Variants in TBC1D15 observed in about 807,000 individuals in gnomAD.
The protein encoded by TBC1D15 is TBC1 domain family member 15.
Under a neutral mutation model 95.4 loss-of-function variants are expected in TBC1D15, and 39 were observed. That is an observed-to-expected ratio of 0.41 (90% confidence interval 0.32 to 0.53). The LOEUF (loss-of-function observed/expected upper bound fraction) is 0.53, where lower values mean the gene tolerates loss of function less well. Among genes scored for constraint, TBC1D15 ranks in the 20% least tolerant of loss-of-function variants. TBC1D15 has a pLI of 0.29. For synonymous variants in TBC1D15, 258 were observed against 261.3 expected, an observed-to-expected ratio of 0.99 and a Z score of 0.12; for missense variants, 733 against 794.3, an observed-to-expected ratio of 0.92 and a Z score of 0.93.
chr12:71,917,585 C>A, intron 12 of TBC1D15, 113 bp from the exon 13 acceptor site: 1 of 576,218 alleles, frequency 1.7e-6, no homozygotes, highest in Non-Finnish European at 2.8e-6. Context: ...TTAAGATTAC[C>A]AGTGTGGTAT....
At chr12:71,850,396 CCTT>C in intron 1 of TBC1D15, 1 of 275,186 alleles carries the variant, frequency 3.6e-6, no homozygotes, top group Non-Finnish European at 7.0e-6. Flanking sequence ...CCACCCAGCT[CCTT>C]CTGAGCAGGT....
intron 1 of TBC1D15, among the ~76,000 whole-genome samples, chr12:71,864,475 C>G (rs769202613): frequency 1.1e-4 from 16 of 151,314 alleles, no homozygotes; most frequent in Non-Finnish European, 2.1e-4. Context: ...TGACTTTCAC[C>G]TGCAGTTGAG....
intron 4 of TBC1D15, among the ~76,000 whole-genome samples, chr12:71,884,041 T>TTAGTTAG (rs1378659192): frequency 6.6e-6 from 1 of 152,162 alleles, no homozygotes; most frequent in Non-Finnish European, 1.5e-5. Flanking sequence ...AGGTCTTAAT[T>TTAGTTAG]TAGTAGACAG....
chr12:71,879,163 G>A (rs200234024), intron 3 of TBC1D15, among the ~76,000 whole-genome samples: 10 of 145,098 alleles, frequency 6.9e-5, no homozygotes, highest in East Asian at 2.0e-4. Flanking sequence ...ACGCAGTTTC[G>A]CTCTTGTCAC....
In TBC1D15 at chr12:71,923,099, A is replaced by G. The variant is rs1314125245; in HGVS notation, c.1920A>G (p.Ala640=). The change falls in exon 17 of 17, where the codon GCA becomes GCG. Residue 640 remains alanine, a synonymous_variant. Coordinates refer to ENST00000485960, the MANE Select transcript of TBC1D15 (RefSeq NM_001146213.3). The part of the protein sequence containing the change: ...NVVMTPCPTS[A]FQSNALPTLS... The stretch of plus-strand genomic sequence containing the variant: ...TCATGACTCCTTGTCCTACATCTGC[A>G]TTTCAAAGTAATGCCTTGCCTACAC... 15 of 1,614,062 alleles carry G rather than the reference A, an allele frequency of 9.3e-6. No individual in the cohort carries two copies. The highest frequency in any genetic ancestry group is 1.3e-5 in the Non-Finnish European group (15 of 1,180,042).
intron 12 of TBC1D15, among the ~76,000 whole-genome samples, chr12:71,915,071 G>T (rs1359229291): frequency 2.0e-5 from 3 of 151,442 alleles, no homozygotes; most frequent in Admixed American, 6.6e-5. Context: ...AATTTTTTTT[G>T]ACTATTTGGA....
chr12:71,921,320 A>G lies in TBC1D15; in HGVS notation c.1717-48A>G, dbSNP rs775332551. The stretch of plus-strand genomic sequence containing the variant: ...TAAATTGTTTATATAATAGAATATA[A>G]TAGTGTATTCAGTTTCGATATCATT... On this transcript the variant is annotated intron_variant, in intron 15 of 16. Coordinates refer to ENST00000485960, the MANE Select transcript of TBC1D15 (RefSeq NM_001146213.3). 13 of 1,056,056 alleles carry G rather than the reference A, an allele frequency of 1.2e-5. 1 individual carries two copies. Among genetic ancestry groups the G allele is most frequent in the South Asian group, 1.1e-4 (6 of 56,236 alleles). 65.4% of individuals were successfully genotyped at this position (1,056,056 alleles called of 1,614,324 possible).
chr12:71,896,118 G>A, intron 8 of TBC1D15, 43 bp downstream of exon 8: 1 of 1,446,776 alleles, frequency 6.9e-7, no homozygotes, highest in Non-Finnish European at 9.3e-7. Context: ...TAAACTCCTA[G>A]TATTTAGGGG....
At chr12:71,878,671 A>G (rs1328005526) in intron 3 of TBC1D15, among the ~76,000 whole-genome samples, 1 of 150,004 alleles carries the variant, frequency 6.7e-6, no homozygotes, top group Non-Finnish European at 1.5e-5. Flanking sequence ...ACCCCCCACC[A>G]CTCCCGGCTA....
intron 16 of TBC1D15, among the ~76,000 whole-genome samples, chr12:71,922,296 G>C (rs78675462): frequency 0.087 from 13,170 of 152,168 alleles, 647 homozygotes; most frequent in South Asian, 0.15. Flanking sequence ...TGTTGGCCAG[G>C]TTGGTCTAGA....
Position 71,896,677 on chromosome 12 carries a change from G to A in TBC1D15, c.985G>A (p.Gly329Arg), listed in dbSNP as rs1898254601. The A allele has an allele frequency of 1.2e-6, 2 of 1,608,766 alleles. No homozygotes were observed. The highest frequency in any genetic ancestry group is 8.5e-7 in the Non-Finnish European group (1 of 1,177,054). ...TATTTAATATGTATGCTTTCTTCAG[G>A]GACTTAGTCATGCATTGAGAAAGCA... ...DNMKQMIFRGGLSHALRKQAW... is the reference protein window; with the variant it reads ...DNMKQMIFRGRLSHALRKQAW... Residue 329 changes from glycine (G) to arginine (R), a missense_variant and splice_region_variant, in exon 9 of 17, where the codon GGA (glycine) becomes AGA (arginine). By Grantham distance (125) the Gly-to-Arg change is moderately radical (BLOSUM62 -2). Transcript: ENST00000485960.
intron 1 of TBC1D15, among the ~76,000 whole-genome samples, chr12:71,865,361 GGGTACTTTGAA>G (rs1891266763): frequency 6.6e-6 from 1 of 152,090 alleles, no homozygotes; most frequent in African/African-American, 2.4e-5. Context: ...TGGGAAGAAG[GGGTACTTTGAA>G]GGTTTGGGCC....
At chr12:71,907,387 A>T (rs1900988751) in intron 11 of TBC1D15, 1 of 257,866 alleles carries the variant, frequency 3.9e-6, no homozygotes, top group Admixed American at 4.9e-5. Flanking sequence ...TCTATAGGAC[A>T]CCACTCTAAC....
chr12:71,894,781 A>G lies in TBC1D15; in HGVS notation c.753A>G (p.Thr251=), dbSNP rs759541998. The G allele has an allele frequency of 6.2e-7, 1 of 1,613,406 alleles. No individual in the cohort carries two copies. Among genetic ancestry groups the G allele is most frequent in the Non-Finnish European group, 8.5e-7 (1 of 1,179,458 alleles). ...FDSLRGSDPS[T]HQRPPSEMAD... ...GTTTGAGAGGCAGCGATCCCTCTAC[A>G]CATCAACGACCACCTTCAGAAATGG... Residue 251 remains threonine, a synonymous_variant, in exon 7 of 17, where the codon ACA becomes ACG. Coordinates refer to ENST00000485960, the MANE Select transcript of TBC1D15 (RefSeq NM_001146213.3).
intron 6 of TBC1D15, 116 bp downstream of exon 6, chr12:71,893,440 A>G (rs1360609943): frequency 5.1e-5 from 24 of 470,052 alleles, no homozygotes; most frequent in African/African-American, 1.0e-4. Context: ...ATACATAGAT[A>G]TGTGTGTGTG....
At chr12:71,861,663 A>C (rs1381404847) in intron 1 of TBC1D15, among the ~76,000 whole-genome samples, 1 of 150,922 alleles carries the variant, frequency 6.6e-6, no homozygotes, top group Non-Finnish European at 1.5e-5. Flanking sequence ...TTGTTCTGTA[A>C]ATTTTTTTTT....
At position 71,922,985 on chromosome 12, in the gene TBC1D15, A is replaced by G. The variant is rs1592845406; in HGVS notation, c.1806A>G (p.Glu602=). ...TGAGTTTGATTTTTCATATCCAGGA[A>G]TTGCCACAAGCAGTCTGTGAGATCC... ...AISLQMVKCK[E]LPQAVCEILG... is the part of the protein sequence containing the mutation. Residue 602 remains glutamate (E), a splice_region_variant and synonymous_variant, in exon 17 of 17, where the codon GAA becomes GAG. Coordinates refer to ENST00000485960, the MANE Select transcript of TBC1D15 (RefSeq NM_001146213.3). 6.2e-7 allele frequency: 1 copy of G among 1,613,884 alleles called. No individual in the cohort carries two copies.
At chr12:71,849,840 A>G (rs1282258103) in intron 1 of TBC1D15, 2 of 562,458 alleles carry the variant, frequency 3.6e-6, no homozygotes, top group African/African-American at 3.8e-5. Flanking sequence ...GCCATTCTGT[A>G]GTAAAATGTG....
chr12:71,854,433 A>G, intron 1 of TBC1D15: 2 of 402,370 alleles, frequency 5.0e-6, no homozygotes, highest in Non-Finnish European at 9.8e-6. Context: ...TCGTAGGCTG[A>G]ATGTTTGTGT....
Sources: gnomAD v4.1 joint callset for allele counts (sites outside exome capture counted in the v4.1 genomes callset) on GRCh38, gnomAD v4.1.1 for gene constraint, MANE v1.5 for transcripts, NCBI Gene and HGNC (gene_info 2026-07-23, HGNC 2026-07-21) for gene names.